TRAPPC8: variants seen among roughly 807,000 people sequenced by gnomAD.
The protein encoded by TRAPPC8 is trafficking protein particle complex subunit 8.
Under a neutral mutation model 174.3 loss-of-function variants are expected in TRAPPC8, and 54 were observed. The observed-to-expected ratio is 0.31, with a 90% CI of 0.25 to 0.39. The LOEUF (loss-of-function observed/expected upper bound fraction) is 0.39. Among genes scored for constraint, TRAPPC8 ranks in the 10% least tolerant of loss-of-function variants. TRAPPC8 has a pLI of 1.00. For synonymous variants in TRAPPC8, 630 were observed against 579.9 expected, an observed-to-expected ratio of 1.09 and a Z score of -1.24; for missense variants, 1,531 against 1,699.1, an observed-to-expected ratio of 0.90 and a Z score of 1.74.
intron 16 of TRAPPC8, 121 bp from the exon 17 acceptor site, chr18:31,867,597 T>TATTCGGCG: frequency 1.6e-6 from 1 of 641,140 alleles, no homozygotes; most frequent in Non-Finnish European, 2.6e-6. Flanking sequence ...ACTTGGTTTT[T>TATTCGGCG]ACCACATGCT....
intron 1 of TRAPPC8, among the ~76,000 whole-genome samples, chr18:31,934,165 G>C (rs914001759): frequency 6.6e-6 from 1 of 151,660 alleles, no homozygotes; most frequent in African/African-American, 2.4e-5. Context: ...TCCAGCCTGG[G>C]CGACAGAGAC....
chr18:31,883,926 C>A (rs1225816773), intron 12 of TRAPPC8, among the ~76,000 whole-genome samples: 2 of 152,174 alleles, frequency 1.3e-5, no homozygotes, highest in Non-Finnish European at 2.9e-5. Context: ...TGGTGACTTA[C>A]ACCTGTAATC....
Position 31,852,393 on chromosome 18 carries a change from G to A in TRAPPC8, c.3561+53C>T, listed in dbSNP as rs996294604. 9.5e-6 allele frequency: 15 copies of A among 1,586,150 alleles called. No homozygotes were observed. The African/African-American group carries it at 1.9e-4, about 20-fold the overall frequency. ...CGATAAGCCTTGCCAAAAATACCCA[G>A]ATATGCTATAACTATGACTTAACAT... On this transcript the variant is annotated intron_variant, in intron 24 of 28. Transcript: ENST00000283351.
At chr18:31,901,112 GC>G in intron 9 of TRAPPC8, 87 bp from the exon 10 acceptor site, 1 of 1,236,770 alleles carries the variant, frequency 8.1e-7, no homozygotes, top group Non-Finnish European at 1.1e-6. Context: ...AATGAAATTT[GC>G]TGTTTTTTTT....
intron 12 of TRAPPC8, among the ~76,000 whole-genome samples, chr18:31,878,803 CA>C (rs1266313739): frequency 2.0e-5 from 3 of 151,442 alleles, no homozygotes; most frequent in Non-Finnish European, 3.0e-5. Flanking sequence ...AAATGGAAAA[CA>C]AAAAAGAGCA....
intron 26 of TRAPPC8, chr18:31,844,715 CA>C (rs530498817): frequency 0.014 from 1,098 of 80,998 alleles, 2 homozygotes; most frequent in African/African-American, 0.023. Context: ...GACTCTGTCT[CA>C]AAAAAAAAAA....
intron 9 of TRAPPC8, among the ~76,000 whole-genome samples, chr18:31,904,647 A>G (rs1314516456): frequency 6.6e-6 from 1 of 152,248 alleles, no homozygotes; most frequent in South Asian, 2.1e-4. Flanking sequence ...CTGTATCCTC[A>G]GCACTCAGCA....
At chr18:31,858,107 G>A in intron 19 of TRAPPC8, 125 bp from the exon 20 acceptor site, 1 of 759,230 alleles carries the variant, frequency 1.3e-6, no homozygotes, top group Non-Finnish European at 2.1e-6. Flanking sequence ...TAATTCTTTG[G>A]TATCTCCCTG....
chr18:31,919,618 A>G, intron 2 of TRAPPC8, among the ~76,000 whole-genome samples: 1 of 151,200 alleles, frequency 6.6e-6, no homozygotes, highest in East Asian at 1.9e-4. Context: ...ACACTTTGGG[A>G]GGCTGAGGTG....
chr18:31,852,136 T>C (rs1396812697), intron 24 of TRAPPC8, among the ~76,000 whole-genome samples: 3 of 152,026 alleles, frequency 2.0e-5, no homozygotes, highest in African/African-American at 7.3e-5. Context: ...CCTCAGGAGC[T>C]GGAGACAAGC....
intron 14 of TRAPPC8, among the ~76,000 whole-genome samples, chr18:31,872,568 T>C (rs954882821): frequency 5.3e-5 from 8 of 152,056 alleles, no homozygotes; most frequent in Non-Finnish European, 7.4e-5. Context: ...TACAGGCGCA[T>C]GCCACCACGC....
In TRAPPC8 at chr18:31,864,638, G is replaced by A; in HGVS notation, c.2734C>T (p.Pro912Ser). The A allele has an allele frequency of 6.2e-7, 1 of 1,611,296 alleles. No individual in the cohort carries two copies. Among genetic ancestry groups the A allele is most frequent in the Non-Finnish European group, 8.5e-7 (1 of 1,178,984 alleles). The change falls in exon 19 of 29, where the codon CCA becomes TCA. Residue 912 changes from proline to serine, a missense_variant. Pro to Ser is a moderately conservative substitution (Grantham distance 74). Transcript: ENST00000283351. ...RLDPIITEEM[P>S]LLEVFFIHFP... Reference sequence around the variant, plus strand: ...AAAAAGTGAAATACCTCCAACAGTGGCATTTCTTCTGTGATTATGGGATCT... The same window carrying A: ...AAAAAGTGAAATACCTCCAACAGTGACATTTCTTCTGTGATTATGGGATCT...
chr18:31,897,869 A>G lies in TRAPPC8; in HGVS notation c.1513T>C (p.Cys505Arg). The G allele has an allele frequency of 6.2e-7, 1 of 1,611,672 alleles. No individual in the cohort carries two copies. The highest frequency in any genetic ancestry group is 8.5e-7 in the Non-Finnish European group (1 of 1,178,522). Residue 505 changes from cysteine to arginine, a missense_variant, in exon 11 of 29, where the codon TGT (cysteine) becomes CGT (arginine). By Grantham distance (180) the Cys-to-Arg change is radical (BLOSUM62 -3). Transcript: ENST00000283351. ...ICKNMVLAERCVLLSAELLKS... is the reference protein window; with the variant it reads ...ICKNMVLAERRVLLSAELLKS... ...AAAAGTTCAGCACTAAGCAACACAC[A>G]TCTTTCAGCCAACACCATATTCCTA...
chr18:31,909,012 T>C lies in TRAPPC8; in HGVS notation c.866-2A>G. On this transcript the variant is annotated splice_acceptor_variant, in intron 6 of 28. Coordinates refer to ENST00000283351, the MANE Select transcript of TRAPPC8 (RefSeq NM_014939.5). LOFTEE classifies it high-confidence loss of function. ...CTCTAAAGTTATTTGGTAAGCCATC[T>C]ACTGAAAAAGAGATTATTTCTTTTA... 6.3e-7 allele frequency: 1 copy of C among 1,598,756 alleles called. No homozygotes were observed. Among genetic ancestry groups the C allele is most frequent in the Middle Eastern group, 1.7e-4 (1 of 6,006 alleles).
At position 31,899,099 on chromosome 18, in the gene TRAPPC8, G is replaced by A. The variant is rs1598701709; in HGVS notation, c.1491-1208C>T. 5.9e-5 allele frequency among the ~76,000 whole-genome samples: 9 copies of A among 152,176 alleles called. No individual in the cohort carries two copies. In the South Asian group the frequency reaches 1.9e-3, roughly 32 times the overall value. Reference sequence around the variant, plus strand: ...TAGATATTTATGAATACCTAAGACTGTTTTGATGAACACAAAAGACTAACT... The same window carrying A: ...TAGATATTTATGAATACCTAAGACTATTTTGATGAACACAAAAGACTAACT... On this transcript the variant is annotated intron_variant, in intron 10 of 28. Coordinates refer to ENST00000283351, the MANE Select transcript of TRAPPC8 (RefSeq NM_014939.5).
intron 11 of TRAPPC8, among the ~76,000 whole-genome samples, chr18:31,893,378 T>C (rs1359390239): frequency 7.6e-6 from 1 of 131,968 alleles, no homozygotes; most frequent in African/African-American, 2.9e-5. Context: ...TATTTGCTTC[T>C]AGGTGTGTGT....
Position 31,890,823 on chromosome 18 carries a change from T to C in TRAPPC8, c.1640A>G (p.His547Arg). 5 of 1,612,300 alleles carry C rather than the reference T, an allele frequency of 3.1e-6. No homozygotes were observed. Among genetic ancestry groups the C allele is most frequent in the South Asian group, 1.1e-5 (1 of 90,834 alleles). ...RSALLLEQAA[H>R]CFINMKSPMV... is the part of the protein sequence containing the mutation. ...GGGACTTTTCATGTTTATAAAGCAA[T>C]GTGCTGCCTGTTCCAAAAGAAGTGC... The change falls in exon 12 of 29, where the codon CAT (histidine) becomes CGT (arginine). Residue 547 changes from histidine to arginine, a missense_variant. Coordinates refer to ENST00000283351, the MANE Select transcript of TRAPPC8 (RefSeq NM_014939.5).
intron 26 of TRAPPC8, among the ~76,000 whole-genome samples, chr18:31,841,402 A>T (rs1365315844): frequency 6.6e-6 from 1 of 152,150 alleles, no homozygotes; most frequent in Non-Finnish European, 1.5e-5. Context: ...AGAGTATATG[A>T]AAGAGAACAG....
At chr18:31,856,323 A>G (rs982488309) in intron 20 of TRAPPC8, among the ~76,000 whole-genome samples, 38 of 152,046 alleles carry the variant, frequency 2.5e-4, no homozygotes, top group Non-Finnish European at 3.4e-4. Flanking sequence ...CATCTTCATC[A>G]TAAGGTGTCT....
Sources: gnomAD v4.1 joint callset for allele counts (sites outside exome capture counted in the v4.1 genomes callset) on GRCh38, gnomAD v4.1.1 for gene constraint, MANE v1.5 for transcripts, NCBI Gene and HGNC (gene_info 2026-07-23, HGNC 2026-07-21) for gene names.